USP15: variants seen among roughly 807,000 people sequenced by gnomAD.
The protein encoded by USP15 is ubiquitin specific peptidase 15, also known as ubiquitin carboxyl-terminal hydrolase 15.
A neutral mutation model predicts 127.1 loss-of-function variants in USP15; 18 were observed. That is an observed-to-expected ratio of 0.14 (90% CI 0.10 to 0.21). USP15 has a LOEUF of 0.21. Among genes scored for constraint, USP15 ranks in the 10% least tolerant of loss-of-function variants. USP15 has a pLI of 1.00. For synonymous variants in USP15, 364 were observed against 393.7 expected, an observed-to-expected ratio of 0.92 and a Z score of 0.89; for missense variants, 805 against 1,159.9, an observed-to-expected ratio of 0.69 and a Z score of 4.44.
intron 1 of USP15, among the ~76,000 whole-genome samples, chr12:62,265,303 A>G (rs2063166288): frequency 6.6e-6 from 1 of 152,230 alleles, no homozygotes; most frequent in African/African-American, 2.4e-5. Flanking sequence ...TTGTCAGGCC[A>G]TGACCTGTAA....
chr12:62,294,251 G>C lies in USP15; in HGVS notation c.162G>C (p.Gln54His). 1 of 1,613,714 alleles carries C rather than the reference G, an allele frequency of 6.2e-7. No homozygotes were observed. The highest frequency in any genetic ancestry group is 8.5e-7 in the Non-Finnish European group (1 of 1,179,776). ...GCTTTGACAGTTGGGACAAATACCA[G>C]ATGGGAGATCAAAATGTGTATCCTG... is the stretch of plus-strand genomic sequence containing the variant. ...YVGFDSWDKY[Q>H]MGDQNVYPGP... Residue 54 changes from glutamine (Q) to histidine (H), a missense_variant, in exon 2 of 22, where the codon CAG becomes CAC. By Grantham distance (24) the Gln-to-His change is conservative. Coordinates refer to ENST00000280377, the MANE Select transcript of USP15 (RefSeq NM_001252078.2).
At chr12:62,275,446 A>G (rs2063465249) in intron 1 of USP15, among the ~76,000 whole-genome samples, 1 of 151,984 alleles carries the variant, frequency 6.6e-6, no homozygotes. Flanking sequence ...AGAGGGATTA[A>G]TAGATATATA....
chr12:62,366,867 T>G (rs900282856), intron 8 of USP15, among the ~76,000 whole-genome samples: 2 of 152,258 alleles, frequency 1.3e-5, no homozygotes, highest in African/African-American at 4.8e-5. Flanking sequence ...GATTTGCATA[T>G]GTTGAACCAG....
intron 21 of USP15, among the ~76,000 whole-genome samples, chr12:62,402,670 G>C (rs1156268052): frequency 6.6e-6 from 1 of 152,090 alleles, no homozygotes; most frequent in African/African-American, 2.4e-5. Context: ...ACATGGGGAA[G>C]AAATTAGTCT....
chr12:62,271,792 T>G (rs1167497851), intron 1 of USP15, among the ~76,000 whole-genome samples: 1 of 151,960 alleles, frequency 6.6e-6, no homozygotes, highest in Non-Finnish European at 1.5e-5. Context: ...GATGAATAGT[T>G]TAAAAACAAT....
rs1389152334 is a variant in USP15, at chr12:62,338,252, A to T, written c.684-10969A>T. ...CCAGTGATGAAGAGCTTTTTTTCAT[A>T]TGTTTTTGGCTGCATAAATGTCTTC... On this transcript the variant is annotated intron_variant, in intron 6 of 21. Coordinates refer to ENST00000280377, the MANE Select transcript of USP15 (RefSeq NM_001252078.2). 2.0e-5 allele frequency among the ~76,000 whole-genome samples: 3 copies of T among 151,920 alleles called. No homozygotes were observed. The South Asian group carries it at 6.2e-4, about 31-fold the overall frequency.
At position 62,415,545 on chromosome 12, in the gene USP15, C is replaced by T. The variant is rs1397313450; in HGVS notation, c.*11170C>T. 1 of 152,206 alleles carries T rather than the reference C, an allele frequency of 6.6e-6. No homozygotes were observed. Among genetic ancestry groups the T allele is most frequent in the Non-Finnish European group, 1.5e-5 (1 of 68,066 alleles). The allele number at this position is 152,206 out of a possible 1,614,324, so 9.4% of individuals were successfully genotyped here. ...CTCAGGAGTTAAACCACCTCTGAGC[C>T]TACCACTTTTGTGCAACTCACCTCA... is the stretch of plus-strand genomic sequence containing the variant. On this transcript the variant is annotated 3_prime_UTR_variant, in exon 22 of 22. Coordinates refer to ENST00000280377, the MANE Select transcript of USP15 (RefSeq NM_001252078.2).
chr12:62,338,814 G>T (rs548128307), intron 6 of USP15, among the ~76,000 whole-genome samples: 1 of 152,166 alleles, frequency 6.6e-6, no homozygotes, highest in East Asian at 1.9e-4. Context: ...TCTCTGTTCT[G>T]TTGCATTGGT....
chr12:62,349,135 A>G (rs1395751497), intron 6 of USP15, 86 bp from the exon 7 acceptor site: 12 of 800,214 alleles, frequency 1.5e-5, no homozygotes, highest in Admixed American at 1.5e-4. Context: ...ATTTACTACA[A>G]ACATTGTCAT....
rs2068103975 is a variant in USP15 at position 62,414,278 on chromosome 12, A to G, written c.*9903A>G. ...CACAAGCCTTGTTTGTAAAAAAACA[A>G]AAACAATTATCTTCAAAGCATGATA... On this transcript the variant is annotated 3_prime_UTR_variant, in exon 22 of 22. Transcript: ENST00000280377. 1 of 152,200 alleles carries G rather than the reference A, an allele frequency of 6.6e-6. No homozygotes were observed. Among genetic ancestry groups the G allele is most frequent in the African/African-American group, 2.4e-5 (1 of 41,458 alleles). The allele number at this position is 152,200 out of a possible 1,614,324, so 9.4% of individuals were successfully genotyped here.
In USP15 at chr12:62,389,651, C is replaced by T. The variant is rs766175336; in HGVS notation, c.1604C>T (p.Ala535Val). Residue 535 changes from alanine to valine, a missense_variant, in exon 13 of 22, where the codon GCT becomes GTT. Physicochemically the swap from Ala to Val is moderately conservative, Grantham distance 64. Transcript: ENST00000280377. ...AATCATAGATTTCACAGAATATTCG[C>T]TATGGATGAAAACCTTAGTAGTATT... Reference protein sequence around the residue: ...IYNHRFHRIFAMDENLSSIME... With the variant: ...IYNHRFHRIFVMDENLSSIME... 1 of 1,613,046 alleles carries T rather than the reference C, an allele frequency of 6.2e-7. No homozygotes were observed. Among genetic ancestry groups the T allele is most frequent in the Admixed American group, 1.7e-5 (1 of 59,972 alleles).
intron 20 of USP15, among the ~76,000 whole-genome samples, chr12:62,399,354 C>T (rs893611917): frequency 5.3e-5 from 8 of 152,138 alleles, no homozygotes; most frequent in Non-Finnish European, 1.2e-4. Flanking sequence ...CACTCCTCAC[C>T]AAGGCTGATT....
chr12:62,398,512 A>G (rs1032234597), intron 20 of USP15, among the ~76,000 whole-genome samples: 1 of 152,154 alleles, frequency 6.6e-6, no homozygotes, highest in African/African-American at 2.4e-5. Flanking sequence ...TTATCTTTCA[A>G]TTGTATGTAT....
chr12:62,384,758 T>C (rs2067096447), intron 11 of USP15, among the ~76,000 whole-genome samples: 1 of 151,800 alleles, frequency 6.6e-6, no homozygotes, highest in Non-Finnish European at 1.5e-5. Context: ...TAAAAGAAAG[T>C]AGAAATTCAG....
chr12:62,397,657 G>T (rs2067536522), intron 20 of USP15, among the ~76,000 whole-genome samples: 1 of 151,674 alleles, frequency 6.6e-6, no homozygotes, highest in African/African-American at 2.4e-5. Context: ...ATGAGATCAA[G>T]ACCATCCTGG....
intron 17 of USP15, 89 bp downstream of exon 17, chr12:62,391,975 T>C: frequency 7.2e-6 from 9 of 1,252,856 alleles, no homozygotes; most frequent in Non-Finnish European, 9.9e-6. Context: ...TTACACTCTT[T>C]GCTTCCACCA....
At chr12:62,333,238 C>G (rs1206595362) in intron 6 of USP15, among the ~76,000 whole-genome samples, 1 of 152,144 alleles carries the variant, frequency 6.6e-6, no homozygotes, top group Non-Finnish European at 1.5e-5. Flanking sequence ...AACCATAAAT[C>G]TAGAGTGATA....
At chr12:62,391,503 G>A (rs1470326188) in intron 16 of USP15, 74 bp downstream of exon 16, 1 of 1,538,924 alleles carries the variant, frequency 6.5e-7, no homozygotes, top group Non-Finnish European at 8.7e-7. Flanking sequence ...TGAAAACCAT[G>A]AAATTCAGCT....
chr12:62,284,633 G>C (rs1473372671), intron 1 of USP15, among the ~76,000 whole-genome samples: 1 of 152,062 alleles, frequency 6.6e-6, no homozygotes, highest in Admixed American at 6.5e-5. Context: ...TTTGTTACCT[G>C]TAGTATTACA....
Sources: allele counts gnomAD v4.1 joint callset (sites outside exome capture counted in the v4.1 genomes callset), GRCh38; gene constraint gnomAD v4.1.1; transcripts MANE v1.5; gene names NCBI Gene and HGNC (gene_info 2026-07-23, HGNC 2026-07-21).